The following SIMC1 variants were observed in gnomAD, a reference collection of about 807,000 sequenced individuals.
SIMC1 encodes SUMO-interacting motif-containing protein 1.
A neutral mutation model predicts 82.3 loss-of-function variants in SIMC1; 55 were observed. That is an observed-to-expected ratio of 0.67 (90% CI 0.54 to 0.84). SIMC1 has a LOEUF of 0.84. SIMC1 is among the 40% of genes least tolerant of loss of function. SIMC1 has a pLI of 0.00. For missense variants in SIMC1, 915 were observed against 1,107.2 expected (o/e 0.83, Z 2.46); for synonymous variants, 353 against 426.3 (o/e 0.83, Z 2.12).
intron 4 of SIMC1, chr5:176,304,213 G>GCTCCTT (rs1764171199): frequency 2.0e-5 from 3 of 149,400 alleles, no homozygotes; most frequent in African/African-American, 7.4e-5. Flanking sequence ...AAGAACTCCA[G>GCTCCTT]CTCCCTCTCC....
chr5:176,244,719 C>CTTT (rs1177032281), intron 1 of SIMC1, among the ~76,000 whole-genome samples: 10 of 114,496 alleles, frequency 8.7e-5, no homozygotes, highest in East Asian at 2.5e-4. Context: ...TTTTTTTTTC[C>CTTT]TTTTTTTTTT....
intron 5 of SIMC1, among the ~76,000 whole-genome samples, chr5:176,316,758 C>T (rs1436247515): frequency 1.3e-5 from 2 of 152,026 alleles, no homozygotes; most frequent in East Asian, 3.9e-4. Context: ...CTTTGGGAGG[C>T]CAAGGTGGGC....
intron 9 of SIMC1, among the ~76,000 whole-genome samples, chr5:176,337,354 T>C (rs1166118747): frequency 1.3e-5 from 2 of 152,174 alleles, no homozygotes; most frequent in African/African-American, 4.8e-5. Context: ...ATGGTCCTCA[T>C]AGTTGTAAGA....
At chr5:176,271,367 A>T (rs940590573) in intron 1 of SIMC1, among the ~76,000 whole-genome samples, 3 of 152,192 alleles carry the variant, frequency 2.0e-5, no homozygotes, top group African/African-American at 7.2e-5. Context: ...CTCAAAAAAA[A>T]AAGTGTATGA....
chr5:176,306,294 G>A (rs1462985304), intron 4 of SIMC1, among the ~76,000 whole-genome samples: 4 of 132,586 alleles, frequency 3.0e-5, no homozygotes, highest in Non-Finnish European at 6.7e-5. Context: ...GAGGTGGGGG[G>A]GTCAGCCCCC....
intron 9 of SIMC1, 109 bp from the exon 10 acceptor site, chr5:176,345,074 G>GTAGC: frequency 7.0e-7 from 1 of 1,421,030 alleles, no homozygotes; most frequent in Non-Finnish European, 9.5e-7. Context: ...TTGTATCCCT[G>GTAGC]TAGCTAGTCA....
chr5:176,345,559 T>C lies in SIMC1; in HGVS notation c.*114T>C. 8.5e-7 allele frequency: 1 copy of C among 1,182,702 alleles called. No individual in the cohort carries two copies. Among genetic ancestry groups the C allele is most frequent in the Non-Finnish European group, 1.2e-6 (1 of 865,964 alleles). The allele number at this position is 1,182,702 out of a possible 1,614,324, so 73.3% of individuals were successfully genotyped here. ...ATCTTACAGGACCAAACCTGCATTATTTAATCAGTAGGTTGTAATTTCTAA... is the reference window on the plus strand; with the variant it reads ...ATCTTACAGGACCAAACCTGCATTACTTAATCAGTAGGTTGTAATTTCTAA... On this transcript the variant is annotated 3_prime_UTR_variant, in exon 10 of 10. Coordinates refer to ENST00000429602, the MANE Select transcript of SIMC1 (RefSeq NM_001308195.2).
At chr5:176,240,992 C>CTT (rs60144020) in intron 1 of SIMC1, among the ~76,000 whole-genome samples, 6 of 71,236 alleles carry the variant, frequency 8.4e-5, no homozygotes, top group African/African-American at 2.7e-4. Flanking sequence ...ACTTTTACAT[C>CTT]TTTTTTTTTT....
intron 1 of SIMC1, among the ~76,000 whole-genome samples, chr5:176,257,094 GT>G (rs1761871638): frequency 6.6e-6 from 1 of 152,004 alleles, no homozygotes; most frequent in Non-Finnish European, 1.5e-5. Flanking sequence ...TTATTTACTT[GT>G]GTTTCTGGGT....
intron 4 of SIMC1, chr5:176,308,516 A>G: frequency 1.2e-6 from 2 of 1,605,954 alleles, no homozygotes; most frequent in Admixed American, 3.4e-5. Flanking sequence ...GCTTTGTAGG[A>G]CTTATTTTTT....
In SIMC1 at chr5:176,311,684, CAAA is replaced by C. The variant is rs575722098; in HGVS notation, c.1735-2002_1735-2000del. 9.5e-4 allele frequency among the ~76,000 whole-genome samples: 144 copies of C among 151,764 alleles called. 1 individual carries two copies. Among genetic ancestry groups the C allele is most frequent in the East Asian group, 1.9e-4 (1 of 5,168 alleles). On this transcript the variant is annotated intron_variant, in intron 4 of 9. Transcript: ENST00000429602. The stretch of plus-strand genomic sequence containing the variant: ...AGAAAAAAACAAAACTCTAGAAAAA[CAAA>C]AAAACTTCACAAGAAAGGAATGATT...
chr5:176,342,394 A>G (rs1376424070), intron 9 of SIMC1, among the ~76,000 whole-genome samples: 1 of 152,112 alleles, frequency 6.6e-6, no homozygotes, highest in Admixed American at 6.5e-5. Context: ...TGATTTTTTT[A>G]AGTTTCTCGA....
intron 7 of SIMC1, among the ~76,000 whole-genome samples, chr5:176,332,642 GC>G (rs1397445873): frequency 6.6e-6 from 1 of 151,940 alleles, no homozygotes; most frequent in African/African-American, 2.4e-5. Flanking sequence ...AAATTCACAT[GC>G]AATTTTAAGG....
At chr5:176,302,068 A>T (rs939035271) in intron 4 of SIMC1, among the ~76,000 whole-genome samples, 4 of 152,234 alleles carry the variant, frequency 2.6e-5, no homozygotes, top group Admixed American at 6.5e-5. Context: ...AATGTAAATT[A>T]TATATAAATA....
At chr5:176,257,879 C>T (rs756950772) in intron 1 of SIMC1, among the ~76,000 whole-genome samples, 2 of 152,112 alleles carry the variant, frequency 1.3e-5, no homozygotes, top group African/African-American at 2.4e-5. Context: ...GACCTCTACC[C>T]GCTAGATGCC....
At position 176,250,582 on chromosome 5, in the gene SIMC1, T is replaced by C. The variant is rs553127180; in HGVS notation, c.129+11945T>C. Among the ~76,000 whole-genome samples, 5 of 152,314 alleles carry C rather than the reference T, an allele frequency of 3.3e-5. No homozygotes were observed. The South Asian group carries it at 8.3e-4, about 25-fold the overall frequency. On this transcript the variant is annotated intron_variant, in intron 1 of 9. Transcript: ENST00000429602. ...GGGGTGTTAAAATCTCCCACTATTATTGTGTGGGAGTCTAAGTCTCTTTGT... is the reference window on the plus strand; with the variant it reads ...GGGGTGTTAAAATCTCCCACTATTACTGTGTGGGAGTCTAAGTCTCTTTGT...
chr5:176,324,651 A>C lies in SIMC1; in HGVS notation c.2065A>C (p.Met689Leu). The change falls in exon 7 of 10, where the codon ATG becomes CTG. Residue 689 changes from methionine (M) to leucine (L), a missense_variant. Transcript: ENST00000429602. ...CAGGATTGTGTGCCAGCTTCAGAGG[A>C]TGCTCTCCATAGCCGTAGAGGTGGA... ...NQLIVCQLQR[M>L]LSIAVEVDRT... is the part of the protein sequence containing the mutation. 4 of 1,611,612 alleles carry C rather than the reference A, an allele frequency of 2.5e-6. No individual in the cohort carries two copies. In the African/African-American group the frequency reaches 5.3e-5, roughly 21 times the overall value.
chr5:176,242,170 A>C (rs1378982476), intron 1 of SIMC1, among the ~76,000 whole-genome samples: 1 of 152,140 alleles, frequency 6.6e-6, no homozygotes. Flanking sequence ...ACTTGAGCCC[A>C]CCACAGCAGC....
intron 1 of SIMC1, among the ~76,000 whole-genome samples, chr5:176,275,715 A>G (rs1762657589): frequency 1.3e-5 from 2 of 151,890 alleles, no homozygotes; most frequent in South Asian, 4.1e-4. Context: ...CCTTTTCTGC[A>G]TCTATTGAGA....
Sources: allele counts gnomAD v4.1 joint callset (sites outside exome capture counted in the v4.1 genomes callset), GRCh38; gene constraint gnomAD v4.1.1; transcripts MANE v1.5; gene names NCBI Gene and HGNC (gene_info 2026-07-23, HGNC 2026-07-21).